The following NKAIN2 variants were observed in gnomAD, a reference collection of about 807,000 sequenced individuals.
NKAIN2 encodes sodium/potassium-transporting ATPase subunit beta-1-interacting protein 2.
NKAIN2 carries 14 observed loss-of-function variants against 32.6 expected under a neutral mutation model. The observed-to-expected ratio is 0.43, with a 90% CI of 0.28 to 0.67. NKAIN2 has a LOEUF of 0.67. Ranked by LOEUF, NKAIN2 falls within the 30% of genes least tolerant of loss-of-function variation. The pLI is 0.17. For missense variants in NKAIN2, 198 were observed against 258.3 expected (o/e 0.77, Z 1.60); for synonymous variants, 80 against 87.2 (o/e 0.92, Z 0.46).
intron 1 of NKAIN2, among the ~76,000 whole-genome samples, chr6:124,206,365 C>T (rs376226344): frequency 2.0e-5 from 3 of 151,786 alleles, no homozygotes; most frequent in Non-Finnish European, 4.4e-5. Flanking sequence ...GAGAGTGATT[C>T]CCTACTTGCT....
At chr6:124,798,265 T>C (rs1267574713) in intron 5 of NKAIN2, among the ~76,000 whole-genome samples, 1 of 152,178 alleles carries the variant, frequency 6.6e-6, no homozygotes, top group African/African-American at 2.4e-5. Context: ...GGGTGCCAGG[T>C]TGACAGGGAG....
chr6:123,823,899 A>G (rs1774028928), intron 1 of NKAIN2, among the ~76,000 whole-genome samples: 1 of 152,118 alleles, frequency 6.6e-6, no homozygotes, highest in Non-Finnish European at 1.5e-5. Flanking sequence ...CATTGGAAAA[A>G]TCAATGTGAA....
At chr6:124,274,477 A>T (rs1434691410) in intron 1 of NKAIN2, among the ~76,000 whole-genome samples, 1 of 152,148 alleles carries the variant, frequency 6.6e-6, no homozygotes, top group Non-Finnish European at 1.5e-5. Context: ...AGCCCTAAAA[A>T]TTGTGAAAAC....
chr6:124,756,483 G>T (rs1003949492), intron 4 of NKAIN2, among the ~76,000 whole-genome samples: 1 of 152,182 alleles, frequency 6.6e-6, no homozygotes, highest in Non-Finnish European at 1.5e-5. Flanking sequence ...CTTCCACACT[G>T]CTGGATATTG....
chr6:124,567,266 C>CA (rs1378786772), intron 3 of NKAIN2, among the ~76,000 whole-genome samples: 1 of 152,190 alleles, frequency 6.6e-6, no homozygotes, highest in Non-Finnish European at 1.5e-5. Flanking sequence ...ACACAGGACG[C>CA]ATGACTATTA....
chr6:124,806,751 A>G (rs569967832), intron 5 of NKAIN2, among the ~76,000 whole-genome samples: 2,736 of 152,030 alleles, frequency 0.018, 85 homozygotes, highest in African/African-American at 0.062. Flanking sequence ...CCCATTTCAC[A>G]TGCAGAGACA....
chr6:124,365,375 T>C (rs1269247263), intron 3 of NKAIN2, among the ~76,000 whole-genome samples: 1 of 151,836 alleles, frequency 6.6e-6, no homozygotes, highest in Non-Finnish European at 1.5e-5. Flanking sequence ...TTTTTGTAGA[T>C]TTGTGATGTA....
chr6:124,354,755 A>G (rs569063952), intron 2 of NKAIN2, among the ~76,000 whole-genome samples: 90 of 152,052 alleles, frequency 5.9e-4, no homozygotes, highest in African/African-American at 2.1e-3. Context: ...TTAAAACAAT[A>G]ATGTGGATTA....
chr6:124,290,651 GT>G (rs1795765052), intron 2 of NKAIN2, among the ~76,000 whole-genome samples: 1 of 144,106 alleles, frequency 6.9e-6, no homozygotes, highest in Non-Finnish European at 1.5e-5. Flanking sequence ...ATTATACGTT[GT>G]TTTTACAGGT....
chr6:124,045,471 C>T (rs1359063770), intron 1 of NKAIN2, among the ~76,000 whole-genome samples: 1 of 151,980 alleles, frequency 6.6e-6, no homozygotes. Flanking sequence ...ATATTAAACA[C>T]ATTCTTAGAG....
At chr6:124,076,563 A>G (rs1405220303) in intron 1 of NKAIN2, among the ~76,000 whole-genome samples, 1 of 152,206 alleles carries the variant, frequency 6.6e-6, no homozygotes, top group Non-Finnish European at 1.5e-5. Flanking sequence ...TCTGCTTTAG[A>G]TGGAACACGT....
chr6:124,395,944 C>T (rs1773358996), intron 3 of NKAIN2, among the ~76,000 whole-genome samples: 1 of 152,084 alleles, frequency 6.6e-6, no homozygotes, highest in Non-Finnish European at 1.5e-5. Flanking sequence ...TCAACAAATA[C>T]TTATTGAGTG....
At chr6:124,054,195 T>G (rs1021506217) in intron 1 of NKAIN2, among the ~76,000 whole-genome samples, 1 of 152,052 alleles carries the variant, frequency 6.6e-6, no homozygotes, top group Non-Finnish European at 1.5e-5. Flanking sequence ...TTGTTTTTCT[T>G]TCATTTTACA....
intron 1 of NKAIN2, among the ~76,000 whole-genome samples, chr6:124,125,625 T>C (rs1163357126): frequency 2.0e-5 from 3 of 152,192 alleles, no homozygotes; most frequent in Non-Finnish European, 4.4e-5. Flanking sequence ...TAAAGATATA[T>C]ACCCCTCTGC....
At chr6:123,847,550 C>T (rs1435914579) in intron 1 of NKAIN2, among the ~76,000 whole-genome samples, 1 of 152,040 alleles carries the variant, frequency 6.6e-6, no homozygotes, top group Non-Finnish European at 1.5e-5. Context: ...TTATTATGAA[C>T]TTGAGTATAT....
intron 1 of NKAIN2, among the ~76,000 whole-genome samples, chr6:124,166,900 A>T (rs1489212207): frequency 6.8e-6 from 1 of 148,138 alleles, no homozygotes; most frequent in Non-Finnish European, 1.5e-5. Context: ...TACCAGTACC[A>T]TGCTGTTTTG....
intron 1 of NKAIN2, among the ~76,000 whole-genome samples, chr6:124,189,858 C>G (rs573803908): frequency 6.6e-6 from 1 of 152,274 alleles, no homozygotes; most frequent in African/African-American, 2.4e-5. Flanking sequence ...TCTCCCAACT[C>G]AGACATAGAA....
At chr6:123,876,611 C>G (rs1344406331) in intron 1 of NKAIN2, among the ~76,000 whole-genome samples, 1 of 152,116 alleles carries the variant, frequency 6.6e-6, no homozygotes, top group Non-Finnish European at 1.5e-5. Flanking sequence ...GAGTCCAGTG[C>G]CAGTCTGAAG....
intron 1 of NKAIN2, among the ~76,000 whole-genome samples, chr6:123,821,369 T>C (rs1251476023): frequency 2.0e-5 from 3 of 152,224 alleles, no homozygotes; most frequent in Admixed American, 2.0e-4. Context: ...CTGATAGTAC[T>C]AATGTTGATG....
Sources: gnomAD v4.1 joint callset for allele counts (sites outside exome capture counted in the v4.1 genomes callset) on GRCh38, gnomAD v4.1.1 for gene constraint, MANE v1.5 for transcripts, NCBI Gene and HGNC (gene_info 2026-07-23, HGNC 2026-07-21) for gene names.